Variants in EPHA5 observed in about 807,000 individuals in gnomAD.
EPHA5 encodes the protein ephrin type-A receptor 5.
In EPHA5, 60 loss-of-function variants were observed where a neutral mutation model predicts 105.0. That is an observed-to-expected ratio of 0.57 (90% CI 0.46 to 0.71). EPHA5 has a LOEUF of 0.71. Among genes scored for constraint, EPHA5 ranks in the 30% least tolerant of loss-of-function variants. EPHA5 has a pLI of 0.00. For synonymous variants in EPHA5, 513 were observed against 449.1 expected, an observed-to-expected ratio of 1.14 and a Z score of -1.80; for missense variants, 1,218 against 1,274.7, an observed-to-expected ratio of 0.96 and a Z score of 0.68.
chr4:65,325,866 T>C (rs537015473), intron 16 of EPHA5, among the ~76,000 whole-genome samples: 1 of 151,220 alleles, frequency 6.6e-6, no homozygotes, highest in South Asian at 2.1e-4. Context: ...CGTAGAATAT[T>C]CGGCTGCATC....
chr4:65,397,725 G>A (rs924357779), intron 8 of EPHA5, among the ~76,000 whole-genome samples: 1 of 152,058 alleles, frequency 6.6e-6, no homozygotes, highest in Non-Finnish European at 1.5e-5. Context: ...ACTCCCAGCA[G>A]TCATGCAACG....
Position 65,670,019 on chromosome 4 carries a change from G to T in EPHA5, c.-277C>A. 2.5e-6 allele frequency: 1 copy of T among 402,668 alleles called. No homozygotes were observed. The allele number at this position is 402,668 out of a possible 1,614,324, so 24.9% of individuals were successfully genotyped here. Reference sequence around the variant, plus strand: ...TGGACTCGGATCAAGGGTGTCGAGAGGGTCCTGGGTCCTGTTCCTTTGCCT... The same window carrying T: ...TGGACTCGGATCAAGGGTGTCGAGATGGTCCTGGGTCCTGTTCCTTTGCCT... On this transcript the variant is annotated 5_prime_UTR_variant, in exon 1 of 17. Coordinates refer to ENST00000613740, the MANE Select transcript of EPHA5 (RefSeq NM_001281766.3).
At chr4:65,375,786 T>C (rs62314067) in intron 8 of EPHA5, among the ~76,000 whole-genome samples, 2,550 of 132,634 alleles carry the variant, frequency 0.019, 125 homozygotes, top group Middle Eastern at 0.064. Flanking sequence ...CACACACACA[T>C]ACACACACAC....
intron 3 of EPHA5, among the ~76,000 whole-genome samples, chr4:65,588,083 G>A (rs1290316496): frequency 2.0e-5 from 3 of 152,180 alleles, no homozygotes; most frequent in Admixed American, 1.3e-4. Flanking sequence ...TTTAGTTTGT[G>A]TGATCTTAGT....
At position 65,670,151 on chromosome 4, in the gene EPHA5, A is replaced by C; in HGVS notation, c.-409T>G. ...AAATGGACGAAGGTAAGGAAGGCAA[A>C]TCATTTTAAGACGAAATCTCCGATT... On this transcript the variant is annotated 5_prime_UTR_variant, in exon 1 of 17. Coordinates refer to ENST00000613740, the MANE Select transcript of EPHA5 (RefSeq NM_001281766.3). 3.9e-6 allele frequency: 1 copy of C among 255,930 alleles called. No homozygotes were observed. Among genetic ancestry groups the C allele is most frequent in the Non-Finnish European group, 7.4e-6 (1 of 134,440 alleles). 15.9% of individuals were successfully genotyped at this position (255,930 alleles called of 1,614,324 possible). A position where few individuals can be genotyped will look rare whatever the true frequency, so the allele number is the denominator to read the frequency against.
intron 3 of EPHA5, among the ~76,000 whole-genome samples, chr4:65,595,268 T>G (rs1743058258): frequency 6.6e-6 from 1 of 152,192 alleles, no homozygotes; most frequent in East Asian, 1.9e-4. Flanking sequence ...TGTTTGTATG[T>G]ATATATGTCC....
chr4:65,428,656 A>C (rs1372186105), intron 5 of EPHA5, among the ~76,000 whole-genome samples: 2 of 152,110 alleles, frequency 1.3e-5, no homozygotes, highest in African/African-American at 4.8e-5. Context: ...TATAAACTAA[A>C]ATGCACCATT....
At chr4:65,485,292 C>A (rs897449478) in intron 5 of EPHA5, among the ~76,000 whole-genome samples, 1 of 151,964 alleles carries the variant, frequency 6.6e-6, no homozygotes, top group Non-Finnish European at 1.5e-5. Flanking sequence ...ATCATAGCCA[C>A]TATTTCTTTA....
intron 3 of EPHA5, among the ~76,000 whole-genome samples, chr4:65,543,646 C>T (rs1260465350): frequency 1.3e-5 from 2 of 151,868 alleles, no homozygotes; most frequent in Non-Finnish European, 2.9e-5. Context: ...GGTCATACTG[C>T]CCAAAGTAAT....
At chr4:65,413,664 C>T (rs892517431) in intron 7 of EPHA5, among the ~76,000 whole-genome samples, 1 of 152,116 alleles carries the variant, frequency 6.6e-6, no homozygotes, top group African/African-American at 2.4e-5. Context: ...GCGTCTATTT[C>T]TGTCTTCGAA....
intron 14 of EPHA5, among the ~76,000 whole-genome samples, chr4:65,347,160 G>A (rs933997895): frequency 7.0e-6 from 1 of 141,858 alleles, no homozygotes; most frequent in South Asian, 2.4e-4. Context: ...TATGGAGCAT[G>A]GATGACAGAA....
intron 3 of EPHA5, among the ~76,000 whole-genome samples, chr4:65,523,654 A>G (rs188123713): frequency 1.3e-5 from 2 of 152,130 alleles, no homozygotes; most frequent in African/African-American, 4.8e-5. Context: ...ATCAGAAACC[A>G]GGAACTATCA....
In EPHA5 at chr4:65,321,241, T is replaced by C; in HGVS notation, c.*2873A>G. The C allele has an allele frequency of 4.3e-6, 1 of 230,590 alleles. No homozygotes were observed. Among genetic ancestry groups the C allele is most frequent in the Non-Finnish European group, 8.6e-6 (1 of 116,312 alleles). 14.3% of individuals were successfully genotyped at this position (230,590 alleles called of 1,614,324 possible). Reference sequence around the variant, plus strand: ...TGTATTATTTGCCAAATCTGTTGTATATACTAAAATTGTCATGTCTGTGCT... The same window carrying C: ...TGTATTATTTGCCAAATCTGTTGTACATACTAAAATTGTCATGTCTGTGCT... On this transcript the variant is annotated 3_prime_UTR_variant, in exon 17 of 17. Coordinates refer to ENST00000613740, the MANE Select transcript of EPHA5 (RefSeq NM_001281766.3).
chr4:65,579,450 A>C (rs1741398941), intron 3 of EPHA5, among the ~76,000 whole-genome samples: 1 of 150,302 alleles, frequency 6.7e-6, no homozygotes, highest in African/African-American at 2.4e-5. Context: ...AGATTAAATA[A>C]AATTTTAATG....
intron 2 of EPHA5, among the ~76,000 whole-genome samples, chr4:65,623,517 CATATA>C (rs1745885032): frequency 1.3e-5 from 2 of 152,008 alleles, no homozygotes; most frequent in Admixed American, 6.6e-5. Context: ...TATAATATAA[CATATA>C]ATATAATAGC....
intron 2 of EPHA5, among the ~76,000 whole-genome samples, chr4:65,603,741 T>C (rs1316158145): frequency 1.3e-5 from 2 of 152,116 alleles, no homozygotes; most frequent in African/African-American, 4.8e-5. Flanking sequence ...AATTTCCATA[T>C]ATGTTATTAC....
At chr4:65,494,222 A>G (rs62299205) in intron 4 of EPHA5, among the ~76,000 whole-genome samples, 79 of 152,358 alleles carry the variant, frequency 5.2e-4, no homozygotes, top group Admixed American at 1.0e-3. Flanking sequence ...GATTTAAGGA[A>G]ATCTGAAAAC....
intron 12 of EPHA5, among the ~76,000 whole-genome samples, chr4:65,351,907 G>C (rs577023265): frequency 6.6e-5 from 10 of 152,102 alleles, no homozygotes; most frequent in Admixed American, 5.3e-4. Context: ...CTCCAACCTA[G>C]TATCTGCCTT....
intron 2 of EPHA5, among the ~76,000 whole-genome samples, chr4:65,608,317 A>T (rs1259978118): frequency 6.6e-6 from 1 of 152,040 alleles, no homozygotes; most frequent in Admixed American, 6.6e-5. Flanking sequence ...ATCCTGACTA[A>T]CACGGTGAAA....
Sources: gnomAD v4.1 joint callset for allele counts (sites outside exome capture counted in the v4.1 genomes callset) on GRCh38, gnomAD v4.1.1 for gene constraint, MANE v1.5 for transcripts, NCBI Gene and HGNC (gene_info 2026-07-23, HGNC 2026-07-21) for gene names.